The following ULK4 variants were observed in gnomAD, a reference collection of about 807,000 sequenced individuals.
ULK4 encodes inactive serine/threonine-protein kinase ULK4.
Under a neutral mutation model 160.6 loss-of-function variants are expected in ULK4, and 133 were observed. That is an observed-to-expected ratio of 0.83 (90% CI 0.72 to 0.96). The LOEUF (loss-of-function observed/expected upper bound fraction) is 0.96, where lower values mean the gene tolerates loss of function less well. Ranked by LOEUF, ULK4 falls within the 40% of genes least tolerant of loss-of-function variation. ULK4 has a pLI of 0.00. For synonymous variants in ULK4, 534 were observed against 539.8 expected (o/e 0.99, Z 0.15); for missense variants, 1,580 against 1,499.5 (o/e 1.05, Z -0.89).
intron 21 of ULK4, among the ~76,000 whole-genome samples, chr3:41,785,385 G>A (rs73071343): frequency 6.6e-6 from 1 of 152,078 alleles, no homozygotes; most frequent in African/African-American, 2.4e-5. Flanking sequence ...CAGAAAACTA[G>A]AAAGAGATAA....
chr3:41,944,435 G>A (rs551542979), intron 2 of ULK4, among the ~76,000 whole-genome samples: 5 of 152,166 alleles, frequency 3.3e-5, no homozygotes, highest in Admixed American at 3.3e-4. Context: ...GTGAGATCCT[G>A]TCTAAAAAAA....
At chr3:41,485,886 A>C (rs2084509571) in intron 32 of ULK4, among the ~76,000 whole-genome samples, 1 of 152,258 alleles carries the variant, frequency 6.6e-6, no homozygotes, top group Admixed American at 6.5e-5. Context: ...TAAAAAATGA[A>C]GCTGGCAGAA....
intron 21 of ULK4, among the ~76,000 whole-genome samples, chr3:41,763,169 G>C (rs529264696): frequency 6.6e-6 from 1 of 151,638 alleles, no homozygotes; most frequent in Non-Finnish European, 1.5e-5. Context: ...GATAAAAGTA[G>C]AAATGAAAAA....
At chr3:41,565,878 T>C (rs1413898893) in intron 32 of ULK4, 147 bp downstream of exon 32, 2 of 597,216 alleles carry the variant, frequency 3.3e-6, no homozygotes, top group Non-Finnish European at 5.8e-6. Context: ...CATCCCACAA[T>C]TCCAAATTTT....
chr3:41,255,232 A>G (rs1043290999), intron 35 of ULK4, among the ~76,000 whole-genome samples: 8 of 152,194 alleles, frequency 5.3e-5, no homozygotes, highest in Admixed American at 1.3e-4. Context: ...CTGTAATCCC[A>G]GCACTTTGGG....
intron 33 of ULK4, among the ~76,000 whole-genome samples, chr3:41,461,189 A>G (rs2083675722): frequency 6.6e-6 from 1 of 152,162 alleles, no homozygotes; most frequent in Non-Finnish European, 1.5e-5. Context: ...CCTCCCTGGA[A>G]AAGTGCTTTG....
intron 32 of ULK4, among the ~76,000 whole-genome samples, chr3:41,523,877 T>C (rs1309498878): frequency 1.3e-5 from 2 of 152,176 alleles, no homozygotes; most frequent in Non-Finnish European, 2.9e-5. Context: ...AAACAACCTA[T>C]ATTCTATCAA....
rs774746412 is a variant in ULK4, at chr3:41,789,772, T to C, written c.2082A>G (p.Ser694=). ...TGGCAGAGGCCAGGGAGTTTATTAC[T>C]GAGTTCAGTCCCACCTTTTCAATAA... is the stretch of plus-strand genomic sequence containing the variant. ...QNVIEKVGLN[S]VINSLASAIC... is the part of the protein sequence containing the mutation. The change falls in exon 21 of 37, where the codon TCA becomes TCG. Residue 694 remains serine (S), a synonymous_variant. Transcript: ENST00000301831. 33 of 1,613,732 alleles carry C rather than the reference T, an allele frequency of 2.0e-5. No individual in the cohort carries two copies. Among genetic ancestry groups the C allele is most frequent in the Non-Finnish European group, 2.6e-5 (31 of 1,179,882 alleles).
chr3:41,255,100 A>G (rs976721890), intron 35 of ULK4, among the ~76,000 whole-genome samples: 2 of 150,726 alleles, frequency 1.3e-5, no homozygotes, highest in African/African-American at 4.9e-5. Flanking sequence ...ATATATAATT[A>G]TATACATCTG....
At chr3:41,890,739 G>A in intron 16 of ULK4, among the ~76,000 whole-genome samples, 1 of 17,824 alleles carries the variant, frequency 5.6e-5, no homozygotes, top group Non-Finnish European at 1.5e-4. Flanking sequence ...GGAAGGAAGG[G>A]ACAGGAGGGA....
At chr3:41,591,740 CGTGTT>C (rs1394219253) in intron 31 of ULK4, among the ~76,000 whole-genome samples, 1 of 152,064 alleles carries the variant, frequency 6.6e-6, no homozygotes, top group Non-Finnish European at 1.5e-5. Context: ...ATAAGTAAAA[CGTGTT>C]ATGTGGTAAA....
chr3:41,831,531 A>ATATATATATATTT, intron 18 of ULK4, among the ~76,000 whole-genome samples: 3 of 138,066 alleles, frequency 2.2e-5, no homozygotes, highest in Admixed American at 7.2e-5. Context: ...ATATATATAT[A>ATATATATATATTT]TTTTTTTTTC....
intron 21 of ULK4, among the ~76,000 whole-genome samples, chr3:41,768,497 T>A (rs73071325): frequency 6.6e-6 from 1 of 152,042 alleles, no homozygotes; most frequent in Admixed American, 6.5e-5. Context: ...CTCTTGGAAC[T>A]CTGCCACCAT....
chr3:41,938,071 T>A, intron 3 of ULK4, 27 bp downstream of exon 3: 1 of 1,538,772 alleles, frequency 6.5e-7, no homozygotes, highest in Non-Finnish European at 8.9e-7. Context: ...ACTATATTCA[T>A]AGCACTTTTT....
At chr3:41,632,721 T>G (rs2033797788) in intron 30 of ULK4, among the ~76,000 whole-genome samples, 1 of 144,228 alleles carries the variant, frequency 6.9e-6, no homozygotes, top group African/African-American at 2.7e-5. Context: ...ATGTGCTAAC[T>G]CACTGGATTC....
intron 22 of ULK4, among the ~76,000 whole-genome samples, chr3:41,752,845 C>A (rs1023430321): frequency 6.6e-6 from 1 of 152,144 alleles, no homozygotes; most frequent in African/African-American, 2.4e-5. Context: ...AAAAAGAATT[C>A]TCTTCTCCCT....
intron 32 of ULK4, among the ~76,000 whole-genome samples, chr3:41,521,233 T>C (rs937001150): frequency 2.0e-5 from 3 of 152,140 alleles, no homozygotes; most frequent in African/African-American, 7.2e-5. Context: ...CCAGCTAGCA[T>C]TACTCAACCT....
At chr3:41,551,036 T>G (rs1273289281) in intron 32 of ULK4, among the ~76,000 whole-genome samples, 2 of 142,150 alleles carry the variant, frequency 1.4e-5, no homozygotes, top group Non-Finnish European at 3.2e-5. Context: ...GACCACTGGT[T>G]CAGTGAAGAA....
At chr3:41,867,176 T>C (rs60796012) in intron 17 of ULK4, among the ~76,000 whole-genome samples, 18,831 of 152,204 alleles carry the variant, frequency 0.12, 1,345 homozygotes, top group Middle Eastern at 0.27. Flanking sequence ...TTGAATTGCA[T>C]TGGGTTTAAT....
Sources: gnomAD v4.1 joint callset for allele counts (sites outside exome capture counted in the v4.1 genomes callset) on GRCh38, gnomAD v4.1.1 for gene constraint, MANE v1.5 for transcripts, NCBI Gene and HGNC (gene_info 2026-07-23, HGNC 2026-07-21) for gene names.